The following ABCA13 variants were observed in gnomAD, a reference collection of about 807,000 sequenced individuals.
The protein encoded by ABCA13 is ATP binding cassette subfamily A member 13.
A neutral mutation model predicts 478.7 loss-of-function variants in ABCA13; 476 were observed. That is an observed-to-expected ratio of 0.99 (90% CI 0.92 to 1.07). ABCA13 has a LOEUF of 1.07. ABCA13 is among the 50% of genes least tolerant of loss of function. The pLI, the probability that ABCA13 is intolerant of heterozygous loss-of-function variation, is 0.00. For synonymous variants in ABCA13, 2,252 were observed against 2,158.9 expected (o/e 1.04, Z -1.20); for missense variants, 6,060 against 5,910.6 (o/e 1.03, Z -0.83).
chr7:48,517,964 A>G (rs1348990290), intron 52 of ABCA13, among the ~76,000 whole-genome samples: 1 of 152,208 alleles, frequency 6.6e-6, no homozygotes, highest in African/African-American at 2.4e-5. Context: ...CTGGACTTTC[A>G]GAGACTTAGT....
chr7:48,603,556 G>A (rs1488424697), intron 58 of ABCA13, among the ~76,000 whole-genome samples: 1 of 152,184 alleles, frequency 6.6e-6, no homozygotes, highest in Non-Finnish European at 1.5e-5. Context: ...TTTTGAACCA[G>A]CCTTGCATCC....
At chr7:48,516,689 A>T (rs758769748) in intron 51 of ABCA13, 36 bp from the exon 52 acceptor site, 1 of 1,602,502 alleles carries the variant, frequency 6.2e-7, no homozygotes, top group South Asian at 1.1e-5. Flanking sequence ...TAAATGTTAC[A>T]GTAAAACAAA....
intron 40 of ABCA13, 124 bp from the exon 41 acceptor site, chr7:48,412,229 A>G: frequency 1.4e-6 from 1 of 713,366 alleles, no homozygotes; most frequent in Non-Finnish European, 2.3e-6. Flanking sequence ...TAAGTGTGAT[A>G]TTTCATTTAA....
chr7:48,225,011 A>G (rs1787945586), intron 5 of ABCA13, among the ~76,000 whole-genome samples: 1 of 151,970 alleles, frequency 6.6e-6, no homozygotes, highest in African/African-American at 2.4e-5. Flanking sequence ...GAGACAAAAA[A>G]TGCTCTGTCG....
chr7:48,520,554 A>T (rs60401788), intron 53 of ABCA13, among the ~76,000 whole-genome samples: 10,066 of 147,678 alleles, frequency 0.068, 474 homozygotes, highest in African/African-American at 0.15. Flanking sequence ...TTCTTTTTTT[A>T]AAATTTTTTT....
At chr7:48,591,161 AAG>A (rs1171785049) in intron 57 of ABCA13, among the ~76,000 whole-genome samples, 1 of 151,860 alleles carries the variant, frequency 6.6e-6, no homozygotes, top group African/African-American at 2.4e-5. Context: ...TGTATGGTGT[AAG>A]ATAAGGACCG....
At chr7:48,215,109 C>G (rs751736924) in intron 3 of ABCA13, among the ~76,000 whole-genome samples, 2 of 152,112 alleles carry the variant, frequency 1.3e-5, no homozygotes, top group African/African-American at 2.4e-5. Flanking sequence ...GAGTGAGACT[C>G]TGTCTCTAAT....
intron 3 of ABCA13, among the ~76,000 whole-genome samples, chr7:48,201,451 G>C (rs935787726): frequency 6.7e-6 from 1 of 149,550 alleles, no homozygotes; most frequent in Non-Finnish European, 1.5e-5. Flanking sequence ...ACACAGAGGA[G>C]ACCAACTCGT....
chr7:48,347,958 G>T (rs185352046), intron 29 of ABCA13, among the ~76,000 whole-genome samples: 38 of 152,266 alleles, frequency 2.5e-4, no homozygotes, highest in African/African-American at 8.9e-4. Context: ...CATAAAGAGG[G>T]CGAGGATTAT....
At position 48,310,815 on chromosome 7, in the gene ABCA13, G is replaced by A. The variant is rs557093245; in HGVS notation, c.9516+674G>A. On this transcript the variant is annotated intron_variant, in intron 24 of 61. Transcript: ENST00000435803. ...AGGAGCTGGGGCAAGCCCAGGCCCA[G>A]CACTTTCCGGACGGGCCCAGAACCC... is the stretch of plus-strand genomic sequence containing the variant. Among the ~76,000 whole-genome samples, 7 of 152,328 alleles carry A rather than the reference G, an allele frequency of 4.6e-5. 2 individuals are homozygous for A. Among genetic ancestry groups the A allele is most frequent in the African/African-American group, 1.7e-4 (7 of 41,588 alleles).
chr7:48,475,295 C>G (rs960881723), intron 45 of ABCA13, among the ~76,000 whole-genome samples: 2 of 152,052 alleles, frequency 1.3e-5, no homozygotes, highest in African/African-American at 2.4e-5. Context: ...GTACACAAAG[C>G]TGTGTGGAAG....
intron 13 of ABCA13, among the ~76,000 whole-genome samples, chr7:48,247,220 A>T (rs1332310984): frequency 6.6e-6 from 1 of 152,126 alleles, no homozygotes; most frequent in African/African-American, 2.4e-5. Context: ...CCTGGGTGAC[A>T]ATGTGAGACC....
At chr7:48,467,193 C>A in intron 44 of ABCA13, 148 bp downstream of exon 44, 1 of 752,780 alleles carries the variant, frequency 1.3e-6, no homozygotes, top group South Asian at 1.5e-5. Flanking sequence ...TAGGTTATTA[C>A]TGAATGGGCC....
Position 48,245,361 on chromosome 7 carries a change from C to G in ABCA13, c.1391-151C>G, listed in dbSNP as rs1359495195. 1.3e-5 allele frequency: 7 copies of G among 539,220 alleles called. No homozygotes were observed. In the East Asian group the frequency reaches 2.2e-4, roughly 17 times the overall value. The allele number at this position is 539,220 out of a possible 1,614,324, so 33.4% of individuals were successfully genotyped here. On this transcript the variant is annotated intron_variant, in intron 11 of 61. Coordinates refer to ENST00000435803, the MANE Select transcript of ABCA13 (RefSeq NM_152701.5). ...ATGATATTACAATGACTCCTGTTTT[C>G]CTTTCTAAGGAAGAGAAGAAAATGT...
intron 55 of ABCA13, among the ~76,000 whole-genome samples, chr7:48,555,660 A>G (rs1352920786): frequency 6.6e-6 from 1 of 151,370 alleles, no homozygotes; most frequent in South Asian, 2.1e-4. Flanking sequence ...ATCAGTTGTA[A>G]TTTCTCCTTT....
chr7:48,496,707 A>G (rs1347486262), intron 48 of ABCA13, among the ~76,000 whole-genome samples: 2 of 152,158 alleles, frequency 1.3e-5, no homozygotes, highest in African/African-American at 4.8e-5. Flanking sequence ...TTCACTGAAT[A>G]TAGAATTCAT....
At chr7:48,607,059 C>G (rs529235942) in intron 58 of ABCA13, among the ~76,000 whole-genome samples, 2 of 152,308 alleles carry the variant, frequency 1.3e-5, no homozygotes, top group African/African-American at 2.4e-5. Flanking sequence ...CTCTCCCAAC[C>G]AAGCTTGAGC....
intron 3 of ABCA13, among the ~76,000 whole-genome samples, chr7:48,216,047 CT>C (rs2128955326): frequency 6.6e-6 from 1 of 152,198 alleles, no homozygotes; most frequent in East Asian, 1.9e-4. Context: ...CACTTTTAGC[CT>C]ATTATGAATA....
At position 48,646,371 on chromosome 7, in the gene ABCA13, A is replaced by G. The variant is rs1795435242; in HGVS notation, c.*859A>G. On this transcript the variant is annotated 3_prime_UTR_variant, in exon 62 of 62. Transcript: ENST00000435803. Reference sequence around the variant, plus strand: ...TTCTGGGAGCTTGCAAGAAATGTACATTCTCAGGATCCACTCCAGACCTAT... The same window carrying G: ...TTCTGGGAGCTTGCAAGAAATGTACGTTCTCAGGATCCACTCCAGACCTAT... 1.3e-5 allele frequency: 2 copies of G among 152,144 alleles called. No homozygotes were observed. Among genetic ancestry groups the G allele is most frequent in the African/African-American group, 2.4e-5 (1 of 41,430 alleles). The allele number at this position is 152,144 out of a possible 1,614,324, so 9.4% of individuals were successfully genotyped here.
Sources: gnomAD v4.1 joint callset for allele counts (sites outside exome capture counted in the v4.1 genomes callset) on GRCh38, gnomAD v4.1.1 for gene constraint, MANE v1.5 for transcripts, NCBI Gene and HGNC (gene_info 2026-07-23, HGNC 2026-07-21) for gene names.